The following DPP10 variants were observed in gnomAD, a reference collection of about 807,000 sequenced individuals.
DPP10 encodes inactive dipeptidyl peptidase 10.
DPP10 carries 33 observed loss-of-function variants against 120.9 expected under a neutral mutation model. The ratio of observed to expected loss-of-function variants is 0.27; its 90% confidence interval spans 0.21 to 0.37. The LOEUF (loss-of-function observed/expected upper bound fraction) is 0.37. DPP10 is among the 10% of genes least tolerant of loss of function. DPP10 has a pLI of 1.00. For synonymous variants in DPP10, 337 were observed against 326.1 expected, an observed-to-expected ratio of 1.03 and a Z score of -0.36; for missense variants, 816 against 942.8, an observed-to-expected ratio of 0.87 and a Z score of 1.76.
chr2:115,070,368 C>A (rs1203527150), intron 1 of DPP10, among the ~76,000 whole-genome samples: 1 of 152,114 alleles, frequency 6.6e-6, no homozygotes, highest in African/African-American at 2.4e-5. Context: ...ACATAACCAT[C>A]TTTGATCAAT....
intron 1 of DPP10, among the ~76,000 whole-genome samples, chr2:115,189,895 G>A (rs1442344687): frequency 6.6e-6 from 1 of 152,132 alleles, no homozygotes; most frequent in Non-Finnish European, 1.5e-5. Context: ...CCCTGTGAAG[G>A]AGGCATTTAC....
intron 1 of DPP10, among the ~76,000 whole-genome samples, chr2:114,479,400 A>G (rs1282117045): frequency 1.1e-5 from 1 of 91,280 alleles, no homozygotes; most frequent in Non-Finnish European, 2.6e-5. Flanking sequence ...TACATAGATC[A>G]ATGAAAAAAT....
chr2:114,770,769 C>T (rs1681177008), intron 1 of DPP10, among the ~76,000 whole-genome samples: 1 of 152,090 alleles, frequency 6.6e-6, no homozygotes, highest in Admixed American at 6.6e-5. Context: ...ACCTTGAGTC[C>T]CGCTATAGAA....
intron 1 of DPP10, among the ~76,000 whole-genome samples, chr2:114,882,777 AAAAG>A (rs1160162218): frequency 1.3e-5 from 2 of 152,210 alleles, no homozygotes; most frequent in Non-Finnish European, 2.9e-5. Flanking sequence ...TTGTCTAAAA[AAAAG>A]AGAATGCCTA....
At chr2:115,344,568 T>C (rs1469135943) in intron 3 of DPP10, among the ~76,000 whole-genome samples, 1 of 152,178 alleles carries the variant, frequency 6.6e-6, no homozygotes, top group Non-Finnish European at 1.5e-5. Flanking sequence ...TTTGTTGTTT[T>C]TTTTTCTGGC....
chr2:114,853,741 A>G (rs1689154225), intron 1 of DPP10, among the ~76,000 whole-genome samples: 1 of 152,078 alleles, frequency 6.6e-6, no homozygotes, highest in Non-Finnish European at 1.5e-5. Flanking sequence ...GGTAGTGGAG[A>G]AAGTTAGCTG....
chr2:114,654,596 A>T lies in DPP10; in HGVS notation c.60+211758A>T, dbSNP rs565793504. ...TAGTTGTGACCTTCAGATATACTTT[A>T]AAAAAATCAACTAATATTTTAAAAT... On this transcript the variant is annotated intron_variant, in intron 1 of 25. Transcript: ENST00000410059. 1.5e-4 allele frequency among the ~76,000 whole-genome samples: 23 copies of T among 150,542 alleles called. No individual in the cohort carries two copies. The East Asian group carries it at 3.3e-3, about 21-fold the overall frequency.
At chr2:115,744,031 C>T (rs997113810) in intron 9 of DPP10, among the ~76,000 whole-genome samples, 1 of 150,546 alleles carries the variant, frequency 6.6e-6, no homozygotes, top group African/African-American at 2.4e-5. Flanking sequence ...TAGATAGATG[C>T]ATAAATAGAT....
chr2:114,568,294 A>G (rs1232850514), intron 1 of DPP10, among the ~76,000 whole-genome samples: 2 of 152,086 alleles, frequency 1.3e-5, no homozygotes, highest in Non-Finnish European at 2.9e-5. Flanking sequence ...TATCATTTCT[A>G]TATGTTGGTA....
At chr2:114,538,867 G>T (rs1230153395) in intron 1 of DPP10, among the ~76,000 whole-genome samples, 3 of 152,148 alleles carry the variant, frequency 2.0e-5, no homozygotes, top group African/African-American at 4.8e-5. Context: ...CAAAAGAAGA[G>T]AATTCCCTTC....
intron 1 of DPP10, among the ~76,000 whole-genome samples, chr2:115,139,245 T>C (rs1319943395): frequency 2.0e-5 from 3 of 152,200 alleles, no homozygotes; most frequent in Non-Finnish European, 4.4e-5. Context: ...GCAACTCAGG[T>C]GACATGATGT....
chr2:115,077,072 C>T (rs1454398652), intron 1 of DPP10, among the ~76,000 whole-genome samples: 1 of 152,126 alleles, frequency 6.6e-6, no homozygotes, highest in Non-Finnish European at 1.5e-5. Flanking sequence ...TTTGGGGCCA[C>T]CTCTACTGTC....
At chr2:115,706,643 C>T (rs892209597) in intron 7 of DPP10, among the ~76,000 whole-genome samples, 4 of 151,958 alleles carry the variant, frequency 2.6e-5, no homozygotes, top group Non-Finnish European at 5.9e-5. Context: ...TACATTTGAT[C>T]AGACAGGGTT....
At chr2:114,475,613 G>C (rs1355977726) in intron 1 of DPP10, among the ~76,000 whole-genome samples, 9 of 152,124 alleles carry the variant, frequency 5.9e-5, no homozygotes, top group African/African-American at 2.2e-4. Flanking sequence ...GCTGGGATCT[G>C]AATATTAACA....
At chr2:114,463,896 A>G (rs958293851) in intron 1 of DPP10, among the ~76,000 whole-genome samples, 1 of 152,160 alleles carries the variant, frequency 6.6e-6, no homozygotes, top group African/African-American at 2.4e-5. Context: ...ATCATAGATT[A>G]TGTTGCCTTT....
intron 1 of DPP10, among the ~76,000 whole-genome samples, chr2:114,642,044 T>C (rs984454729): frequency 3.9e-5 from 6 of 151,966 alleles, no homozygotes; most frequent in Non-Finnish European, 8.8e-5. Flanking sequence ...TAATTTTAAG[T>C]CTTTGCCTGC....
intron 5 of DPP10, among the ~76,000 whole-genome samples, chr2:115,654,797 A>C (rs112334042): frequency 0.023 from 3,474 of 151,856 alleles, 133 homozygotes; most frequent in African/African-American, 0.08. Flanking sequence ...GTCACCATTA[A>C]GACAGCAGAC....
intron 5 of DPP10, among the ~76,000 whole-genome samples, chr2:115,657,202 C>T (rs978603118): frequency 6.6e-6 from 1 of 151,440 alleles, no homozygotes; most frequent in African/African-American, 2.4e-5. Context: ...AATGTTTGTA[C>T]AAACCTAAAA....
chr2:115,439,268 A>G (rs1025445043), intron 3 of DPP10, among the ~76,000 whole-genome samples: 1 of 151,498 alleles, frequency 6.6e-6, no homozygotes, highest in African/African-American at 2.4e-5. Flanking sequence ...AGTGGCTAAG[A>G]TGGTCATGGG....
Sources: allele counts gnomAD v4.1 joint callset (sites outside exome capture counted in the v4.1 genomes callset), GRCh38; gene constraint gnomAD v4.1.1; transcripts MANE v1.5; gene names NCBI Gene and HGNC (gene_info 2026-07-23, HGNC 2026-07-21).